Variants in TRAM1 observed in about 807,000 individuals in gnomAD.
The protein encoded by TRAM1 is translocation associated membrane protein 1.
Under a neutral mutation model 48.7 loss-of-function variants are expected in TRAM1, and 17 were observed. The ratio of observed to expected loss-of-function variants is 0.35; its 90% CI spans 0.24 to 0.52. The LOEUF (loss-of-function observed/expected upper bound fraction) is 0.52, where lower values mean the gene tolerates loss of function less well. TRAM1 is among the 20% of genes least tolerant of loss of function. TRAM1 has a pLI of 0.94. For missense variants in TRAM1, 351 were observed against 441.5 expected (o/e 0.79, Z 1.84); for synonymous variants, 182 against 154.0 (o/e 1.18, Z -1.34).
chr8:70,577,342 A>T (rs1308177108), intron 10 of TRAM1, among the ~76,000 whole-genome samples: 1 of 152,214 alleles, frequency 6.6e-6, no homozygotes, highest in Non-Finnish European at 1.5e-5. Context: ...AGCCAGGGAC[A>T]GCCTGAAACC....
In TRAM1 at chr8:70,587,430, A is replaced by G. The variant is rs1463681392; in HGVS notation, c.571-254T>C. The G allele has an allele frequency of 1.2e-4, 51 of 410,180 alleles. No individual in the cohort carries two copies. The East Asian group carries it at 1.9e-3, about 15-fold the overall frequency. The allele number at this position is 410,180 out of a possible 1,614,324, so 25.4% of individuals were successfully genotyped here. On this transcript the variant is annotated intron_variant, in intron 6 of 10. Transcript: ENST00000262213. ...GCTATTCTGCTCCCACCCCACCGCA[A>G]TCTCTCATCCTCAATTAGGTATATA...
chr8:70,604,446 T>C (rs890764678), intron 1 of TRAM1, among the ~76,000 whole-genome samples: 2 of 152,072 alleles, frequency 1.3e-5, no homozygotes, highest in Admixed American at 6.5e-5. Flanking sequence ...GCCACTCAGG[T>C]GGCGAGAGGG....
At chr8:70,590,419 A>G (rs1563385592) in intron 6 of TRAM1, among the ~76,000 whole-genome samples, 1 of 152,244 alleles carries the variant, frequency 6.6e-6, no homozygotes, top group South Asian at 2.1e-4. Flanking sequence ...TGTGCTTGAC[A>G]TTAGCTAAGG....
intron 10 of TRAM1, among the ~76,000 whole-genome samples, chr8:70,576,732 C>G (rs1019915582): frequency 6.6e-6 from 1 of 152,158 alleles, no homozygotes; most frequent in Admixed American, 6.5e-5. Flanking sequence ...AGAGGTGCAT[C>G]CAGGGCTGTG....
At chr8:70,590,036 G>A (rs1475447540) in intron 6 of TRAM1, among the ~76,000 whole-genome samples, 1 of 151,804 alleles carries the variant, frequency 6.6e-6, no homozygotes, top group African/African-American at 2.4e-5. Flanking sequence ...CATTTCAGAG[G>A]AGAAAACAGA....
chr8:70,591,836 T>C (rs1817371012), intron 6 of TRAM1, among the ~76,000 whole-genome samples: 1 of 152,132 alleles, frequency 6.6e-6, no homozygotes. Flanking sequence ...TCAATCAATG[T>C]CATTTTTAAA....
chr8:70,574,311 G>T lies in TRAM1; in HGVS notation c.*621C>A. 5.4e-6 allele frequency: 2 copies of T among 369,134 alleles called. No individual in the cohort carries two copies. The highest frequency in any genetic ancestry group is 2.0e-5 in the South Asian group (1 of 49,180). 22.9% of individuals were successfully genotyped at this position (369,134 alleles called of 1,614,324 possible). ...ATACTTTGATTTAATATGTATGTTA[G>T]TAAAACTCCACGTGTTGTAACGATT... On this transcript the variant is annotated 3_prime_UTR_variant, in exon 11 of 11. Transcript: ENST00000262213.
At chr8:70,575,210 A>G (rs1816920519) in intron 10 of TRAM1, among the ~76,000 whole-genome samples, 1 of 152,222 alleles carries the variant, frequency 6.6e-6, no homozygotes, top group Admixed American at 6.5e-5. Flanking sequence ...GAAAACTACT[A>G]TTAAAAGCAG....
Position 70,608,097 on chromosome 8 carries a change from G to A in TRAM1, c.103C>T (p.Leu35=). Reference sequence around the variant, plus strand: ...CTCACCTCAAACATGAGCCCCAGCAGGAAGACCATCGCCACACAGGAGACG... The same window carrying A: ...CTCACCTCAAACATGAGCCCCAGCAAGAAGACCATCGCCACACAGGAGACG... ...DIVSCVAMVF[L]LGLMFEITAK... The change falls in exon 1 of 11, where the codon CTG becomes TTG. Residue 35 remains leucine, a synonymous_variant. Transcript: ENST00000262213. 6.3e-7 allele frequency: 1 copy of A among 1,598,606 alleles called. No individual in the cohort carries two copies. The highest frequency in any genetic ancestry group is 8.5e-7 in the Non-Finnish European group (1 of 1,173,596).
intron 5 of TRAM1, 120 bp from the exon 6 acceptor site, chr8:70,594,710 A>G (rs992187818): frequency 4.2e-6 from 3 of 706,894 alleles, no homozygotes; most frequent in East Asian, 6.2e-5. Context: ...ATTCCATACA[A>G]TATCTGTGCA....
intron 6 of TRAM1, among the ~76,000 whole-genome samples, chr8:70,593,716 T>C (rs1817419179): frequency 6.6e-6 from 1 of 151,478 alleles, no homozygotes; most frequent in South Asian, 2.1e-4. Flanking sequence ...CTAGAGACTA[T>C]CAGTGTGCAT....
chr8:70,602,091 G>A (rs1005537237), intron 1 of TRAM1, among the ~76,000 whole-genome samples: 1 of 152,174 alleles, frequency 6.6e-6, no homozygotes, highest in Non-Finnish European at 1.5e-5. Context: ...AAAAGAGCTT[G>A]TAGTCCCAAA....
chr8:70,580,933 G>A (rs142788413), intron 10 of TRAM1, among the ~76,000 whole-genome samples: 28 of 152,294 alleles, frequency 1.8e-4, no homozygotes, highest in African/African-American at 6.5e-4. Context: ...TTAATGAACT[G>A]CAAGATGTAT....
At chr8:70,594,811 G>A (rs1449190122) in intron 5 of TRAM1, among the ~76,000 whole-genome samples, 1 of 152,126 alleles carries the variant, frequency 6.6e-6, no homozygotes, top group Non-Finnish European at 1.5e-5. Flanking sequence ...AGCAGGCAAA[G>A]ATACTATCTG....
intron 1 of TRAM1, among the ~76,000 whole-genome samples, chr8:70,605,908 G>A (rs1355288622): frequency 6.6e-6 from 1 of 152,142 alleles, no homozygotes; most frequent in Non-Finnish European, 1.5e-5. Context: ...GACTTCCCTA[G>A]AAATATAGTA....
At chr8:70,598,381 A>C (rs1817535990) in intron 2 of TRAM1, 126 bp from the exon 3 acceptor site, 2 of 846,748 alleles carry the variant, frequency 2.4e-6, no homozygotes, top group South Asian at 5.8e-5. Context: ...TTAACATCAT[A>C]AATAACGTGG....
chr8:70,586,826 A>G lies in TRAM1; in HGVS notation c.746+69T>C, dbSNP rs112421670. ...GTTAATATAATGGCCTAAAGCATGG[A>G]TCTTGGCAATGTTAGGCACTGACTT... On this transcript the variant is annotated intron_variant, in intron 8 of 10. Transcript: ENST00000262213. The G allele has an allele frequency of 8.3e-5, 109 of 1,313,798 alleles. No homozygotes were observed. The African/African-American group carries it at 1.2e-3, about 14-fold the overall frequency. 81.4% of individuals were successfully genotyped at this position (1,313,798 alleles called of 1,614,324 possible). A position where few individuals can be genotyped will look rare whatever the true frequency, so the allele number is the denominator to read the frequency against.
In TRAM1 at chr8:70,583,712, A is replaced by T. The variant is rs754741979; in HGVS notation, c.828T>A (p.Leu276=). The part of the protein sequence containing the change: ...ILSVLTVGFG[L]ARAENQKLDF... ...CCAGCTTCTGATTTTCTGCTCTTGC[A>T]AGGCCAAAACCAACAGTCAGTACTG... The change falls in exon 9 of 11, where the codon CTT becomes CTA. Residue 276 remains leucine (L), a synonymous_variant. Coordinates refer to ENST00000262213, the MANE Select transcript of TRAM1 (RefSeq NM_014294.6). The T allele has an allele frequency of 8.1e-6, 13 of 1,613,386 alleles. No homozygotes were observed. In the East Asian group the frequency reaches 2.9e-4, roughly 36 times the overall value.
rs1050564332 is a variant in TRAM1, at chr8:70,583,662, A to G, written c.878T>C (p.Val293Ala). The G allele has an allele frequency of 1.9e-6, 3 of 1,612,488 alleles. No homozygotes were observed. The African/African-American group carries it at 4.0e-5, about 22-fold the overall frequency. Residue 293 changes from valine to alanine, a missense_variant, in exon 9 of 11, where the codon GTG becomes GCG. Physicochemically the swap from Val to Ala is moderately conservative, Grantham distance 64. Transcript: ENST00000262213. ...KLDFSTGNFN[V>A]LAVRIAVLAS... ...AAATTGATCGTACCTAACAGCTAACACATTGAAGTTTCCAGTACTGAAATC... is the reference window on the plus strand; with the variant it reads ...AAATTGATCGTACCTAACAGCTAACGCATTGAAGTTTCCAGTACTGAAATC...
Sources: gnomAD v4.1 joint callset for allele counts (sites outside exome capture counted in the v4.1 genomes callset) on GRCh38, gnomAD v4.1.1 for gene constraint, MANE v1.5 for transcripts, NCBI Gene and HGNC (gene_info 2026-07-23, HGNC 2026-07-21) for gene names.